Variants in TRIML2 observed in about 807,000 individuals in gnomAD.
The protein encoded by TRIML2 is probable E3 ubiquitin-protein ligase TRIML2.
Under a neutral mutation model 31.2 loss-of-function variants are expected in TRIML2, and 28 were observed. That is an observed-to-expected ratio of 0.90 (90% CI 0.66 to 1.23). The LOEUF (loss-of-function observed/expected upper bound fraction) is 1.23, where lower values mean the gene tolerates loss of function less well. Among genes scored for constraint, TRIML2 ranks in the 50% most tolerant of loss-of-function variants. The probability of loss-of-function intolerance (pLI) is 0.00; values close to 1 mark genes in which losing one functional copy is unlikely to be tolerated. For synonymous variants in TRIML2, 187 were observed against 197.5 expected, an observed-to-expected ratio of 0.95 and a Z score of 0.45; for missense variants, 536 against 528.3, an observed-to-expected ratio of 1.01 and a Z score of -0.14.
At chr4:188,093,035 TG>T in intron 7 of TRIML2, 1 of 355,278 alleles carries the variant, frequency 2.8e-6, no homozygotes, top group Non-Finnish European at 5.6e-6. Context: ...AAATACCAGT[TG>T]GAAAAAACAC....
At chr4:188,105,039 G>A (rs1733967428) in intron 2 of TRIML2, 107 bp from the exon 3 acceptor site, 2 of 1,410,388 alleles carry the variant, frequency 1.4e-6, no homozygotes, top group African/African-American at 2.8e-5. Context: ...TAGCCTTTAG[G>A]TTGAAGGTTC....
At chr4:188,098,123 G>GA (rs527418962) in intron 5 of TRIML2, 27,597 of 208,800 alleles carry the variant, frequency 0.13, 925 homozygotes, top group African/African-American at 0.21. Context: ...CCGTCTCGGG[G>GA]AAAAAAAAAA....
chr4:188,103,976 C>T (rs776212342), intron 3 of TRIML2, among the ~76,000 whole-genome samples: 1 of 152,086 alleles, frequency 6.6e-6, no homozygotes, highest in Non-Finnish European at 1.5e-5. Flanking sequence ...GACCCAGAAT[C>T]GGGGATACCT....
chr4:188,098,114 C>G (rs140187630), intron 5 of TRIML2: 1 of 276,172 alleles, frequency 3.6e-6, no homozygotes, highest in African/African-American at 2.6e-5. Flanking sequence ...AGCGAGACTC[C>G]GTCTCGGGGA....
intron 7 of TRIML2, 96 bp from the exon 8 acceptor site, chr4:188,092,037 C>G (rs964233181): frequency 3.8e-6 from 5 of 1,300,796 alleles, no homozygotes; most frequent in Middle Eastern, 2.0e-4. Context: ...ACTGAGTGGG[C>G]ACAAGTCCCA....
In TRIML2 at chr4:188,104,846, C is replaced by A; in HGVS notation, c.276G>T (p.Ala92=). The change falls in exon 3 of 8, where the codon GCG becomes GCT. Residue 92 remains alanine, a synonymous_variant. Coordinates refer to ENST00000682553, the MANE Select transcript of TRIML2 (RefSeq NM_173553.4). ...ATAAGCACTCACTGACCTGAATCAT[C>A]GCCATTCTTTCTTGCTCATCAGTCA... ...SILTDEQERM[A]MIQEEEQNFK... 2 of 1,613,560 alleles carry A rather than the reference C, an allele frequency of 1.2e-6. No individual in the cohort carries two copies. Among genetic ancestry groups the A allele is most frequent in the Non-Finnish European group, 1.7e-6 (2 of 1,179,540 alleles).
Position 188,105,246 on chromosome 4 carries a change from G to C in TRIML2, c.123C>G (p.Cys41Trp). The part of the protein sequence containing the change: ...DVDQITLCSK[C>W]FQSQEHKHHM... The stretch of plus-strand genomic sequence containing the variant: ...GATGTTTGTGCTCCTGGGACTGGAA[G>C]CATTTGCTGCAGAGTGTGATTTGGT... The change falls in exon 2 of 8, where the codon TGC (cysteine) becomes TGG (tryptophan). Residue 41 changes from cysteine to tryptophan, a missense_variant. Cys to Trp is a radical substitution (Grantham distance 215). Coordinates refer to ENST00000682553, the MANE Select transcript of TRIML2 (RefSeq NM_173553.4). 6.2e-7 allele frequency: 1 copy of C among 1,612,332 alleles called. No homozygotes were observed.
chr4:188,094,957 CA>C (rs1281893779), intron 7 of TRIML2, among the ~76,000 whole-genome samples: 4 of 152,138 alleles, frequency 2.6e-5, no homozygotes, highest in Non-Finnish European at 4.4e-5. Context: ...ATTAGAGTCA[CA>C]AATAGACGTG....
At chr4:188,092,967 T>C (rs1271030568) in intron 7 of TRIML2, 1 of 436,074 alleles carries the variant, frequency 2.3e-6, no homozygotes, top group African/African-American at 2.0e-5. Context: ...CAGGTAACTG[T>C]GCATAGCTTC....
Position 188,091,799 on chromosome 4 carries a change from C to A in TRIML2, c.888G>T (p.Ala296=), listed in dbSNP as rs372977648. The A allele has an allele frequency of 1.9e-6, 3 of 1,614,012 alleles. No homozygotes were observed. In the East Asian group the frequency reaches 6.7e-5, roughly 36 times the overall value. ...RLDFSAMVLA[A]ESFTSGRHYW... Reference sequence around the variant, plus strand: ...AGTGCCTCCCTGAGGTGAAGCTCTCCGCAGCCAGCACCATGGCACTGAAAT... The same window carrying A: ...AGTGCCTCCCTGAGGTGAAGCTCTCAGCAGCCAGCACCATGGCACTGAAAT... The change falls in exon 8 of 8, where the codon GCG becomes GCT. Residue 296 remains alanine (A), a synonymous_variant. Coordinates refer to ENST00000682553, the MANE Select transcript of TRIML2 (RefSeq NM_173553.4).
At chr4:188,100,474 G>C (rs972054851) in intron 4 of TRIML2, among the ~76,000 whole-genome samples, 11 of 152,166 alleles carry the variant, frequency 7.2e-5, no homozygotes, top group Non-Finnish European at 1.5e-4. Context: ...TGTAATCCCA[G>C]CACTTTGGGA....
intron 3 of TRIML2, among the ~76,000 whole-genome samples, chr4:188,103,109 T>C (rs1733874801): frequency 6.8e-6 from 1 of 147,778 alleles, no homozygotes; most frequent in African/African-American, 2.5e-5. Context: ...GCCTCCAAAG[T>C]TCATGCCATT....
chr4:188,098,413 C>G, intron 5 of TRIML2: 1 of 260,682 alleles, frequency 3.8e-6, no homozygotes, highest in South Asian at 3.4e-5. Flanking sequence ...GGGGCTCTGC[C>G]CCCAGGCCCC....
chr4:188,096,510 CA>C (rs1267091371), intron 7 of TRIML2, among the ~76,000 whole-genome samples: 1 of 69,514 alleles, frequency 1.4e-5, no homozygotes, highest in African/African-American at 5.9e-5. Flanking sequence ...CCAGCCTGGG[CA>C]AAGTGAAACT....
chr4:188,097,170 A>G lies in TRIML2; in HGVS notation c.645-9T>C, dbSNP rs1733555800. ...GCAGCAGTGACTTGCTCCTGAAGAG[A>G]AAGGACAGCCTCAGTCATCTGCACA... On this transcript the variant is annotated splice_polypyrimidine_tract_variant and intron_variant, in intron 6 of 7. Coordinates refer to ENST00000682553, the MANE Select transcript of TRIML2 (RefSeq NM_173553.4). 6.2e-7 allele frequency: 1 copy of G among 1,613,062 alleles called. No individual in the cohort carries two copies. Among genetic ancestry groups the G allele is most frequent in the African/African-American group, 1.3e-5 (1 of 74,880 alleles).
chr4:188,101,120 G>T lies in TRIML2; in HGVS notation c.416C>A (p.Thr139Asn). ...AAGCTTGATCGCTTGATTCAGAAGG[G>T]TTTCTCTCAGGTTCAAGTCAGATAT... The part of the protein sequence containing the change: ...ECISDLNLRE[T>N]LLNQAIKLAT... The change falls in exon 4 of 8, where the codon ACC (threonine) becomes AAC (asparagine). Residue 139 changes from threonine (T) to asparagine (N), a missense_variant. Coordinates refer to ENST00000682553, the MANE Select transcript of TRIML2 (RefSeq NM_173553.4). 2 of 1,613,590 alleles carry T rather than the reference G, an allele frequency of 1.2e-6. No individual in the cohort carries two copies. Among genetic ancestry groups the T allele is most frequent in the Non-Finnish European group, 1.7e-6 (2 of 1,179,854 alleles).
intron 3 of TRIML2, among the ~76,000 whole-genome samples, chr4:188,103,959 G>A (rs1733917491): frequency 6.6e-6 from 1 of 152,128 alleles, no homozygotes; most frequent in South Asian, 2.1e-4. Flanking sequence ...AATTGAGGGA[G>A]AGAAAAGACC....
intron 3 of TRIML2, among the ~76,000 whole-genome samples, chr4:188,104,410 C>G (rs1033817652): frequency 2.6e-5 from 4 of 152,048 alleles, no homozygotes; most frequent in African/African-American, 9.7e-5. Flanking sequence ...GTGGCCTAGG[C>G]TGGAGTCCAG....
chr4:188,101,191 C>T lies in TRIML2; in HGVS notation c.345G>A (p.Leu115=). ...IESEYSMRLR[L]LNEECEQNLQ... Reference sequence around the variant, plus strand: ...GATTCTGCTCACACTCTTCATTCAACAACCGGAGTCTCATACTATACTCAG... The same window carrying T: ...GATTCTGCTCACACTCTTCATTCAATAACCGGAGTCTCATACTATACTCAG... Residue 115 remains leucine (L), a synonymous_variant, in exon 4 of 8, where the codon TTG becomes TTA. Coordinates refer to ENST00000682553, the MANE Select transcript of TRIML2 (RefSeq NM_173553.4). 1 of 1,613,744 alleles carries T rather than the reference C, an allele frequency of 6.2e-7. No homozygotes were observed.
Sources: gnomAD v4.1 joint callset for allele counts (sites outside exome capture counted in the v4.1 genomes callset) on GRCh38, gnomAD v4.1.1 for gene constraint, MANE v1.5 for transcripts, NCBI Gene and HGNC (gene_info 2026-07-23, HGNC 2026-07-21) for gene names.